The following TOR1B variants were observed in gnomAD, a reference collection of about 807,000 sequenced individuals.
The protein encoded by TOR1B is torsin-1B.
TOR1B carries 14 observed loss-of-function variants against 29.2 expected under a neutral mutation model. That is an observed-to-expected ratio of 0.48 (90% CI 0.32 to 0.75). The LOEUF (loss-of-function observed/expected upper bound fraction) is 0.75, where lower values mean the gene tolerates loss of function less well. Ranked by LOEUF, TOR1B falls within the 30% of genes least tolerant of loss-of-function variation. TOR1B has a pLI of 0.04. For missense variants in TOR1B, 400 were observed against 433.9 expected (o/e 0.92, Z 0.69); for synonymous variants, 166 against 179.8 (o/e 0.92, Z 0.62).
intron 3 of TOR1B, among the ~76,000 whole-genome samples, chr9:129,807,736 C>T (rs538935700): frequency 6.6e-6 from 1 of 151,878 alleles, no homozygotes; most frequent in East Asian, 1.9e-4. Context: ...GTCCCATCTA[C>T]TCGGGAGACT....
intron 2 of TOR1B, among the ~76,000 whole-genome samples, chr9:129,804,955 G>A (rs1371335887): frequency 4.0e-5 from 6 of 149,648 alleles, no homozygotes; most frequent in African/African-American, 7.4e-5. Flanking sequence ...TGGCTAACAC[G>A]GTGAGACCCC....
chr9:129,804,608 C>T (rs564652898), intron 2 of TOR1B: 2 of 406,996 alleles, frequency 4.9e-6, no homozygotes, highest in Non-Finnish European at 8.9e-6. Context: ...GCCTGTAATC[C>T]CAGCATTTTG....
At chr9:129,803,945 G>A (rs2030314870) in intron 1 of TOR1B, 128 bp from the exon 2 acceptor site, 3 of 1,240,018 alleles carry the variant, frequency 2.4e-6, no homozygotes, top group East Asian at 2.4e-5. Context: ...CGGCCCTAGG[G>A]TGTGGCAGAC....
In TOR1B at chr9:129,809,468, T is replaced by C. The variant is rs1446819249; in HGVS notation, c.896T>C (p.Ile299Thr). The C allele has an allele frequency of 4.3e-6, 7 of 1,614,198 alleles. No individual in the cohort carries two copies. The highest frequency in any genetic ancestry group is 1.7e-5 in the Admixed American group (1 of 60,020). Residue 299 changes from isoleucine to threonine, a missense_variant, in exon 5 of 5, where the codon ATA becomes ACA. Ile to Thr is a moderately conservative substitution (Grantham distance 89). Coordinates refer to ENST00000259339, the MANE Select transcript of TOR1B (RefSeq NM_014506.3). ...RAEMRARGSA[I>T]DEDIVTRVAE... ...GAGATGAGGGCCCGTGGTTCTGCCATAGATGAAGACATTGTCACAAGAGTG... is the reference window on the plus strand; with the variant it reads ...GAGATGAGGGCCCGTGGTTCTGCCACAGATGAAGACATTGTCACAAGAGTG...
rs754928353 is a variant in TOR1B, at chr9:129,803,401, C to G, written c.189C>G (p.Leu63=). The part of the protein sequence containing the change: ...FAECCREERP[L]NASALKLDLE... ...AGTGCTGCCGCGAGGAGCGGCCGCT[C>G]AACGCTTCGGGTACGGCGCGCGCGC... The change falls in exon 1 of 5, where the codon CTC becomes CTG. Residue 63 remains leucine, a synonymous_variant. Coordinates refer to ENST00000259339, the MANE Select transcript of TOR1B (RefSeq NM_014506.3). The G allele has an allele frequency of 1.9e-5, 30 of 1,538,874 alleles. No homozygotes were observed. The South Asian group carries it at 3.3e-4, about 17-fold the overall frequency.
chr9:129,807,139 T>C (rs2130990200), intron 2 of TOR1B, 49 bp from the exon 3 acceptor site: 1 of 1,594,874 alleles, frequency 6.3e-7, no homozygotes, highest in South Asian at 1.1e-5. Context: ...CGCCTCTTGG[T>C]GCACCCTTTG....
In TOR1B at chr9:129,810,357, G is replaced by T. The variant is rs2030788828; in HGVS notation, c.*774G>T. Reference sequence around the variant, plus strand: ...GACCTGTGTGTGTGTGTGTGGGGGGGTGGGGCCTTCACCTAAGACCTCTGC... The same window carrying T: ...GACCTGTGTGTGTGTGTGTGGGGGGTTGGGGCCTTCACCTAAGACCTCTGC... On this transcript the variant is annotated 3_prime_UTR_variant, in exon 5 of 5. Coordinates refer to ENST00000259339, the MANE Select transcript of TOR1B (RefSeq NM_014506.3). 1.1e-5 allele frequency: 11 copies of T among 1,026,324 alleles called. 1 individual carries two copies. The highest frequency in any genetic ancestry group is 1.8e-5 in the African/African-American group (1 of 55,758). The allele number at this position is 1,026,324 out of a possible 1,614,324, so 63.6% of individuals were successfully genotyped here.
rs1272818988 is a variant in TOR1B at position 129,803,207 on chromosome 9, A to G, written c.-6A>G. ...TCAGTGGCTTCTGCGGGCTTCGAGG[A>G]GCGGGATGTTGCGGGCTGGGTGGCT... On this transcript the variant is annotated 5_prime_UTR_variant, in exon 1 of 5. Coordinates refer to ENST00000259339, the MANE Select transcript of TOR1B (RefSeq NM_014506.3). 6.8e-7 allele frequency: 1 copy of G among 1,472,734 alleles called. No individual in the cohort carries two copies. The highest frequency in any genetic ancestry group is 2.3e-5 in the Admixed American group (1 of 42,906). The allele number at this position is 1,472,734 out of a possible 1,614,324, so 91.2% of individuals were successfully genotyped here.
Position 129,804,004 on chromosome 9 carries a change from A to C in TOR1B, c.200-69A>C, listed in dbSNP as rs549364312. On this transcript the variant is annotated intron_variant, in intron 1 of 4. Coordinates refer to ENST00000259339, the MANE Select transcript of TOR1B (RefSeq NM_014506.3). Reference sequence around the variant, plus strand: ...CTGTGCTTCTTGCTTTGGCCAGCTAAGAAAGTGCTGCGTTGCTGATGCATT... The same window carrying C: ...CTGTGCTTCTTGCTTTGGCCAGCTACGAAAGTGCTGCGTTGCTGATGCATT... The C allele has an allele frequency of 2.6e-5, 42 of 1,591,090 alleles. No individual in the cohort carries two copies. The African/African-American group carries it at 5.5e-4, about 21-fold the overall frequency.
rs2030805997 is a variant in TOR1B, at chr9:129,810,528, C to T, written c.*945C>T. 5 of 795,748 alleles carry T rather than the reference C, an allele frequency of 6.3e-6. No individual in the cohort carries two copies. Among genetic ancestry groups the T allele is most frequent in the Non-Finnish European group, 8.1e-6 (5 of 615,912 alleles). The allele number at this position is 795,748 out of a possible 1,614,324, so 49.3% of individuals were successfully genotyped here. A position where few individuals can be genotyped will look rare whatever the true frequency, so the allele number is the denominator to read the frequency against. ...TCTCAGCTTGGATCTCTGCTAGAGT[C>T]CCCCCAACCATATATCATAGAGTTG... On this transcript the variant is annotated 3_prime_UTR_variant, in exon 5 of 5. Coordinates refer to ENST00000259339, the MANE Select transcript of TOR1B (RefSeq NM_014506.3).
intron 1 of TOR1B, 94 bp downstream of exon 1, chr9:129,803,505 C>A: frequency 8.7e-7 from 1 of 1,148,650 alleles, no homozygotes; most frequent in Non-Finnish European, 1.1e-6. Context: ...TGGCACGGAC[C>A]GGGCCCGTGG....
At chr9:129,803,524 C>T (rs776985941) in intron 1 of TOR1B, 113 bp downstream of exon 1, 1 of 1,108,602 alleles carries the variant, frequency 9.0e-7, no homozygotes, top group Non-Finnish European at 1.1e-6. Context: ...GGCATCTAGA[C>T]GGCGGTGGTC....
In TOR1B at chr9:129,809,612, C is replaced by T; in HGVS notation, c.*29C>T. 4 of 1,612,688 alleles carry T rather than the reference C, an allele frequency of 2.5e-6. No homozygotes were observed. The South Asian group carries it at 4.4e-5, about 18-fold the overall frequency. On this transcript the variant is annotated 3_prime_UTR_variant, in exon 5 of 5. Transcript: ENST00000259339. ...CCTATCCAGATGGGGTAGGAGACAG[C>T]TGGGAGGCTCCGCACGCCAGAGGCC... is the stretch of plus-strand genomic sequence containing the variant.
Position 129,810,785 on chromosome 9 carries a change from C to T in TOR1B, c.*1202C>T, listed in dbSNP as rs1182650620. On this transcript the variant is annotated 3_prime_UTR_variant, in exon 5 of 5. Transcript: ENST00000259339. ...CTTATTTTAAAACAAGGGAAGGACACAAAATGGAATGACTGCTTAGTCCTT... is the reference window on the plus strand; with the variant it reads ...CTTATTTTAAAACAAGGGAAGGACATAAAATGGAATGACTGCTTAGTCCTT... 6.5e-6 allele frequency: 1 copy of T among 153,902 alleles called. No individual in the cohort carries two copies. The highest frequency in any genetic ancestry group is 1.4e-5 in the Non-Finnish European group (1 of 69,120). The allele number at this position is 153,902 out of a possible 1,614,324, so 9.5% of individuals were successfully genotyped here.
chr9:129,807,845 C>CA (rs34329009), intron 3 of TOR1B, among the ~76,000 whole-genome samples: 7,096 of 103,198 alleles, frequency 0.069, 588 homozygotes, highest in African/African-American at 0.23. Flanking sequence ...GACTCTGTCT[C>CA]AAAAAAAAAA....
rs184609423 is a variant in TOR1B, at chr9:129,804,589, G to T, written c.465+251G>T. 1.2e-4 allele frequency: 58 copies of T among 481,810 alleles called. 1 individual carries two copies. The highest frequency in any genetic ancestry group is 8.0e-4 in the South Asian group (28 of 35,070). 29.8% of individuals were successfully genotyped at this position (481,810 alleles called of 1,614,324 possible). ...GATGGGGAGCCAAGGGCCTGGCGCC[G>T]TGGCTCACGCCTGTAATCCCAGCAT... is the stretch of plus-strand genomic sequence containing the variant. On this transcript the variant is annotated intron_variant, in intron 2 of 4. Coordinates refer to ENST00000259339, the MANE Select transcript of TOR1B (RefSeq NM_014506.3).
chr9:129,810,289 C>G lies in TOR1B; in HGVS notation c.*706C>G. On this transcript the variant is annotated 3_prime_UTR_variant, in exon 5 of 5. Transcript: ENST00000259339. ...GCTGGAGGTGCAGACGGTGTCTGAC[C>G]GGAGGATGTGGCCGTGCCCGCCGAG... The G allele has an allele frequency of 7.7e-7, 1 of 1,295,684 alleles. No individual in the cohort carries two copies. Among genetic ancestry groups the G allele is most frequent in the Non-Finnish European group, 1.0e-6 (1 of 987,674 alleles). 80.3% of individuals were successfully genotyped at this position (1,295,684 alleles called of 1,614,324 possible). A position where few individuals can be genotyped will look rare whatever the true frequency, so the allele number is the denominator to read the frequency against.
Position 129,809,019 on chromosome 9 carries a change from C to A in TOR1B, c.756C>A (p.Phe252Leu), listed in dbSNP as rs745766621. 34 of 1,610,118 alleles carry A rather than the reference C, an allele frequency of 2.1e-5. No individual in the cohort carries two copies. Among genetic ancestry groups the A allele is most frequent in the Non-Finnish European group, 3.4e-6 (4 of 1,179,022 alleles). Residue 252 changes from phenylalanine to leucine, a missense_variant, in exon 4 of 5, where the codon TTC becomes TTA. By Grantham distance (22) the Phe-to-Leu change is conservative (BLOSUM62 0). Coordinates refer to ENST00000259339, the MANE Select transcript of TOR1B (RefSeq NM_014506.3). ...DLEPVLSVGV[F>L]NNKHSGLWHS... The stretch of plus-strand genomic sequence containing the variant: ...AACCTGTACTGTCTGTCGGAGTCTT[C>A]AATAATAAACACAGTGAGTCCACCA...
Position 129,807,288 on chromosome 9 carries a change from C to T in TOR1B, c.566C>T (p.Ala189Val), listed in dbSNP as rs2030545338. ...MDKLHPGIID[A>V]IKPFLDYYEQ... is the part of the protein sequence containing the mutation. ...AAATTGCACCCCGGGATCATTGACG[C>T]AATCAAGCCGTTTCTAGACTACTAC... Residue 189 changes from alanine (A) to valine (V), a missense_variant, in exon 3 of 5, where the codon GCA becomes GTA. Transcript: ENST00000259339. The T allele has an allele frequency of 6.2e-7, 1 of 1,614,162 alleles. No homozygotes were observed. The highest frequency in any genetic ancestry group is 8.5e-7 in the Non-Finnish European group (1 of 1,180,046).
Sources: gnomAD v4.1 joint callset for allele counts (sites outside exome capture counted in the v4.1 genomes callset) on GRCh38, gnomAD v4.1.1 for gene constraint, MANE v1.5 for transcripts, NCBI Gene and HGNC (gene_info 2026-07-23, HGNC 2026-07-21) for gene names.